The following RORA variants were observed in gnomAD, a reference collection of about 807,000 sequenced individuals.
RORA encodes RAR related orphan receptor A.
A neutral mutation model predicts 69.5 loss-of-function variants in RORA; 7 were observed. That is an observed-to-expected ratio of 0.10 (90% CI 0.06 to 0.19). RORA has a LOEUF of 0.19. Ranked by LOEUF, RORA falls within the 10% of genes least tolerant of loss-of-function variation. The pLI is 1.00. For missense variants in RORA, 457 were observed against 663.0 expected, an observed-to-expected ratio of 0.69 and a Z score of 3.41; for synonymous variants, 261 against 240.8, an observed-to-expected ratio of 1.08 and a Z score of -0.78.
intron 2 of RORA, among the ~76,000 whole-genome samples, chr15:60,617,934 G>T (rs1223369871): frequency 6.6e-6 from 1 of 152,182 alleles, no homozygotes; most frequent in Non-Finnish European, 1.5e-5. Flanking sequence ...CTAGGGATAA[G>T]AGGTGCTCAA....
In RORA at chr15:60,746,472, A is replaced by T. The variant is rs151254219; in HGVS notation, c.167-67786T>A. ...CTGAGATTCATAAATTCTAGTCTTT[A>T]GAACTCGCAATATAAGGATGGTTAA... On this transcript the variant is annotated intron_variant, in intron 1 of 10. Transcript: ENST00000335670. 3.3e-5 allele frequency among the ~76,000 whole-genome samples: 5 copies of T among 152,252 alleles called. No homozygotes were observed. In the East Asian group the frequency reaches 9.6e-4, roughly 29 times the overall value.
rs551072168 is a variant in RORA, at chr15:61,137,019, AAAAGAAAGAAAGAAAGAAAGAAAG to A, written c.166+92010_166+92033del. 8.9e-3 allele frequency among the ~76,000 whole-genome samples: 546 copies of A among 61,162 alleles called. 6 individuals carry two copies. Among genetic ancestry groups the A allele is most frequent in the African/African-American group, 0.014 (252 of 17,798 alleles). The allele number at this position is 61,162 out of a possible 152,430, so 40.1% of individuals were successfully genotyped here. A position where few individuals can be genotyped will look rare whatever the true frequency, so the allele number is the denominator to read the frequency against. On this transcript the variant is annotated intron_variant, in intron 1 of 10. Transcript: ENST00000335670. Reference sequence around the variant, plus strand: ...AGAGTCCCCTCTAAAAAATAAATAAAAAAGAAAGAAAGAAAGAAAGAAAGAAAGAAAGAAAGAAAGAAAGAAAGA... The same window carrying A: ...AGAGTCCCCTCTAAAAAATAAATAAAAAAGAAAGAAAGAAAGAAAGAAAGA...
intron 1 of RORA, among the ~76,000 whole-genome samples, chr15:60,823,126 CTCTCTTTCT>C (rs1274652668): frequency 3.1e-3 from 8 of 2,556 alleles, no homozygotes; most frequent in Non-Finnish European, 5.6e-3. Context: ...CTCTCTCTCT[CTCTCTTTCT>C]TTTTTTCTCC....
At chr15:60,516,161 TTA>T (rs1242984311) in intron 3 of RORA, among the ~76,000 whole-genome samples, 304 of 30,286 alleles carry the variant, frequency 0.01, 21 homozygotes, top group African/African-American at 0.039. Flanking sequence ...ATATATATAT[TTA>T]TATATATATT....
At chr15:60,962,075 G>C (rs1466665799) in intron 1 of RORA, among the ~76,000 whole-genome samples, 2 of 152,218 alleles carry the variant, frequency 1.3e-5, no homozygotes, top group Admixed American at 6.5e-5. Context: ...AGGCGAGAGA[G>C]TGAGAGTGAG....
intron 1 of RORA, among the ~76,000 whole-genome samples, chr15:61,143,753 T>C (rs1051551972): frequency 3.3e-5 from 5 of 152,202 alleles, no homozygotes; most frequent in Non-Finnish European, 5.9e-5. Context: ...TCTCACTTCT[T>C]ACATAAAAAT....
At chr15:61,167,566 A>G (rs1343824855) in intron 1 of RORA, among the ~76,000 whole-genome samples, 1 of 146,084 alleles carries the variant, frequency 6.8e-6, no homozygotes, top group Non-Finnish European at 1.5e-5. Context: ...TAAATCCATT[A>G]GCCCTACAAT....
intron 1 of RORA, among the ~76,000 whole-genome samples, chr15:60,879,280 C>A (rs971282398): frequency 1.3e-5 from 2 of 152,086 alleles, no homozygotes; most frequent in Non-Finnish European, 1.5e-5. Context: ...AACCAGGTGG[C>A]CTTGGAGAAG....
chr15:60,565,716 G>A (rs2067695219), intron 2 of RORA, among the ~76,000 whole-genome samples: 1 of 152,080 alleles, frequency 6.6e-6, no homozygotes, highest in Non-Finnish European at 1.5e-5. Flanking sequence ...AACTCAATTT[G>A]GTACAAACAT....
chr15:60,913,071 G>A (rs896226184), intron 1 of RORA, among the ~76,000 whole-genome samples: 2 of 152,178 alleles, frequency 1.3e-5, no homozygotes, highest in Non-Finnish European at 2.9e-5. Context: ...TAGCACTATA[G>A]GGTTTATTCT....
intron 1 of RORA, among the ~76,000 whole-genome samples, chr15:60,895,287 C>A (rs1016651831): frequency 6.6e-6 from 1 of 152,030 alleles, no homozygotes; most frequent in Non-Finnish European, 1.5e-5. Context: ...GATTCACTTG[C>A]TATTTTGGAA....
intron 2 of RORA, among the ~76,000 whole-genome samples, chr15:60,625,652 C>T (rs1367663558): frequency 6.6e-6 from 1 of 152,162 alleles, no homozygotes; most frequent in Non-Finnish European, 1.5e-5. Context: ...TACGAAATTG[C>T]TATGGAATTA....
At chr15:60,617,431 C>G (rs2069274305) in intron 2 of RORA, among the ~76,000 whole-genome samples, 1 of 152,098 alleles carries the variant, frequency 6.6e-6, no homozygotes, top group Admixed American at 6.5e-5. Context: ...GCAGCAAGGT[C>G]TGAGGAAGCA....
At chr15:61,142,555 AGAAAG>A in intron 1 of RORA, among the ~76,000 whole-genome samples, 1 of 125,400 alleles carries the variant, frequency 8.0e-6, no homozygotes, top group African/African-American at 2.7e-5. Flanking sequence ...AAAAATAACC[AGAAAG>A]AAAAGTCAGA....
At chr15:60,776,354 G>T (rs2140333892) in intron 1 of RORA, among the ~76,000 whole-genome samples, 1 of 152,316 alleles carries the variant, frequency 6.6e-6, no homozygotes, top group Non-Finnish European at 1.5e-5. Flanking sequence ...ATCTGGCAAG[G>T]TCTTCAGGAG....
At position 60,648,798 on chromosome 15, in the gene RORA, C is replaced by T. The variant is rs192261941; in HGVS notation, c.196+29859G>A. On this transcript the variant is annotated intron_variant, in intron 2 of 10. Transcript: ENST00000335670. ...CATCCTCTTAATTCTAAGCACCATC[C>T]ACTCTTTTTGAGGGGGGAGAGGGAA... is the stretch of plus-strand genomic sequence containing the variant. Among the ~76,000 whole-genome samples the T allele has an allele frequency of 3.3e-5, 5 of 152,264 alleles. No individual in the cohort carries two copies. In the East Asian group the frequency reaches 9.6e-4, roughly 29 times the overall value.
chr15:60,594,336 G>A (rs1402322176), intron 2 of RORA, among the ~76,000 whole-genome samples: 1 of 152,194 alleles, frequency 6.6e-6, no homozygotes, highest in Non-Finnish European at 1.5e-5. Context: ...TTTGGTTATT[G>A]ATTTCCCTTG....
intron 1 of RORA, among the ~76,000 whole-genome samples, chr15:60,898,222 C>A (rs993632839): frequency 2.6e-5 from 4 of 152,180 alleles, no homozygotes; most frequent in African/African-American, 9.7e-5. Context: ...AAGATTCAAA[C>A]TGAGTTCTGA....
intron 1 of RORA, among the ~76,000 whole-genome samples, chr15:60,989,733 TC>T (rs1250418189): frequency 6.6e-6 from 1 of 152,130 alleles, no homozygotes; most frequent in African/African-American, 2.4e-5. Flanking sequence ...AGAAAAGTAG[TC>T]CATTCACAGG....
Sources: gnomAD v4.1 joint callset for allele counts (sites outside exome capture counted in the v4.1 genomes callset) on GRCh38, gnomAD v4.1.1 for gene constraint, MANE v1.5 for transcripts, NCBI Gene and HGNC (gene_info 2026-07-23, HGNC 2026-07-21) for gene names.